Variants in NFIB observed in about 807,000 individuals in gnomAD.
NFIB encodes the protein nuclear factor I B.
Under a neutral mutation model 61.5 loss-of-function variants are expected in NFIB, and 11 were observed. The ratio of observed to expected loss-of-function variants is 0.18; its 90% CI spans 0.11 to 0.30. NFIB has a LOEUF of 0.30. Among genes scored for constraint, NFIB ranks in the 10% least tolerant of loss-of-function variants. The pLI is 1.00. For missense variants in NFIB, 471 were observed against 608.9 expected, an observed-to-expected ratio of 0.77 and a Z score of 2.38; for synonymous variants, 260 against 216.5, an observed-to-expected ratio of 1.20 and a Z score of -1.76.
chr9:14,193,000 C>T (rs528296538), intron 2 of NFIB, among the ~76,000 whole-genome samples: 6 of 151,750 alleles, frequency 4.0e-5, no homozygotes, highest in Non-Finnish European at 7.4e-5. Flanking sequence ...ATAGATTTCA[C>T]GTGTTTGTTA....
intron 2 of NFIB, among the ~76,000 whole-genome samples, chr9:14,301,943 G>A (rs1356133852): frequency 1.3e-5 from 2 of 152,162 alleles, no homozygotes; most frequent in African/African-American, 4.8e-5. Flanking sequence ...GTGCACTAGA[G>A]TTCACAAGTT....
chr9:14,400,948 G>A (rs902028121), upstream of NFIB, among the ~76,000 whole-genome samples: 3 of 152,160 alleles, frequency 2.0e-5, no homozygotes, highest in East Asian at 1.9e-4. Flanking sequence ...ACCACTCCTC[G>A]GGCCAGAGTA....
At chr9:14,500,570 G>A in the NFIB span, among the ~76,000 whole-genome samples, 1 of 152,056 alleles carries the variant, frequency 6.6e-6, no homozygotes, top group South Asian at 2.1e-4. Context: ...ACTTGTCTCA[G>A]TTTATAATTA....
chr9:14,429,729 C>G, the NFIB span, among the ~76,000 whole-genome samples: 1 of 152,298 alleles, frequency 6.6e-6, no homozygotes, highest in African/African-American at 2.4e-5. Flanking sequence ...TGTCCTGCAC[C>G]TTAGGAGCGC....
the NFIB span, among the ~76,000 whole-genome samples, chr9:14,503,138 G>A: frequency 1.6e-4 from 24 of 149,674 alleles, no homozygotes; most frequent in South Asian, 6.3e-4. Flanking sequence ...GTGTGTGTGT[G>A]TATATATATA....
At chr9:14,503,821 T>C in the NFIB span, among the ~76,000 whole-genome samples, 1 of 152,232 alleles carries the variant, frequency 6.6e-6, no homozygotes, top group African/African-American at 2.4e-5. Flanking sequence ...AGCTATTTAG[T>C]TTAATTAAGT....
intron 3 of NFIB, among the ~76,000 whole-genome samples, chr9:14,167,631 C>A (rs1042022440): frequency 2.0e-5 from 3 of 152,170 alleles, no homozygotes; most frequent in Non-Finnish European, 4.4e-5. Context: ...ATAAAGTTAG[C>A]AAGTGACCTA....
the NFIB span, among the ~76,000 whole-genome samples, chr9:14,419,133 T>C: frequency 1.3e-5 from 2 of 151,530 alleles, no homozygotes; most frequent in African/African-American, 2.4e-5. Flanking sequence ...TAGAGGTTTG[T>C]TGCACTAAAG....
rs147294258 is a variant in NFIB, at chr9:14,191,584, A to T, written c.563-11804T>A. ...GTTACTCATTTTATCTTTAATAGAGATTCAAATCAATTCCTTATGATTCAA... is the reference window on the plus strand; with the variant it reads ...GTTACTCATTTTATCTTTAATAGAGTTTCAAATCAATTCCTTATGATTCAA... On this transcript the variant is annotated intron_variant, in intron 2 of 10. Coordinates refer to ENST00000380953, the MANE Select transcript of NFIB (RefSeq NM_001190737.2). Among the ~76,000 whole-genome samples the T allele has an allele frequency of 6.6e-4, 100 of 152,296 alleles. 1 individual carries two copies. The East Asian group carries it at 0.019, about 29-fold the overall frequency.
At chr9:14,472,001 G>C in the NFIB span, among the ~76,000 whole-genome samples, 2 of 152,126 alleles carry the variant, frequency 1.3e-5, no homozygotes, top group Non-Finnish European at 2.9e-5. Flanking sequence ...CCTTCAATGA[G>C]TTCCCTTGCT....
chr9:14,376,799 T>C (rs552700441), intron 1 of NFIB, among the ~76,000 whole-genome samples: 1 of 152,034 alleles, frequency 6.6e-6, no homozygotes, highest in Non-Finnish European at 1.5e-5. Context: ...ATTACAGGCA[T>C]GAGCCACTGC....
chr9:14,160,428 T>C (rs2044022263), intron 3 of NFIB, among the ~76,000 whole-genome samples: 1 of 152,134 alleles, frequency 6.6e-6, no homozygotes, highest in African/African-American at 2.4e-5. Flanking sequence ...TGTTCTATTC[T>C]TGAAATTAAA....
intron 2 of NFIB, among the ~76,000 whole-genome samples, chr9:14,241,689 T>A (rs2054373731): frequency 6.6e-6 from 1 of 152,062 alleles, no homozygotes; most frequent in South Asian, 2.1e-4. Flanking sequence ...ACCATATGCT[T>A]CCAAAGGAAT....
intron 1 of NFIB, among the ~76,000 whole-genome samples, chr9:14,323,907 A>G (rs2060720354): frequency 6.6e-6 from 1 of 152,270 alleles, no homozygotes; most frequent in Non-Finnish European, 1.5e-5. Context: ...CAGTGATAAT[A>G]AGTGCAAAAC....
chr9:14,480,764 A>G, the NFIB span, among the ~76,000 whole-genome samples: 1 of 152,188 alleles, frequency 6.6e-6, no homozygotes, highest in Non-Finnish European at 1.5e-5. Context: ...ATCAACACTT[A>G]GAGAAACATG....
chr9:14,172,739 A>AGAGAAG (rs2045706971), intron 3 of NFIB, among the ~76,000 whole-genome samples: 5 of 152,140 alleles, frequency 3.3e-5, no homozygotes, highest in African/African-American at 1.2e-4. Flanking sequence ...ATGTCATCTT[A>AGAGAAG]AGCCTTTAGA....
chr9:14,447,781 T>C, the NFIB span, among the ~76,000 whole-genome samples: 1 of 152,156 alleles, frequency 6.6e-6, no homozygotes, highest in African/African-American at 2.4e-5. Context: ...CCCTGTATCT[T>C]AGAAGTCATA....
intron 3 of NFIB, among the ~76,000 whole-genome samples, chr9:14,156,574 C>G (rs553256011): frequency 1.1e-4 from 17 of 152,148 alleles, no homozygotes; most frequent in Non-Finnish European, 1.0e-4. Flanking sequence ...GGTGGTGAAT[C>G]CAGGCCTCTG....
At chr9:14,426,740 T>C in the NFIB span, among the ~76,000 whole-genome samples, 1 of 152,124 alleles carries the variant, frequency 6.6e-6, no homozygotes, top group East Asian at 1.9e-4. Context: ...TCCATTTGTA[T>C]CCTCCTTCTC....
Sources: allele counts gnomAD v4.1 joint callset (sites outside exome capture counted in the v4.1 genomes callset), GRCh38; gene constraint gnomAD v4.1.1; transcripts MANE v1.5; gene names NCBI Gene and HGNC (gene_info 2026-07-23, HGNC 2026-07-21).